RASEF: variants seen among roughly 807,000 people sequenced by gnomAD.
RASEF encodes the protein ras and EF-hand domain-containing protein.
Under a neutral mutation model 90.1 loss-of-function variants are expected in RASEF, and 68 were observed. The observed-to-expected ratio is 0.75, with a 90% confidence interval of 0.62 to 0.92. The LOEUF (loss-of-function observed/expected upper bound fraction) is 0.92. Among genes scored for constraint, RASEF ranks in the 40% least tolerant of loss-of-function variants. The probability of loss-of-function intolerance (pLI) is 0.00; values close to 1 mark genes in which losing one functional copy is unlikely to be tolerated. For missense variants in RASEF, 949 were observed against 937.2 expected (o/e 1.01, Z -0.16); for synonymous variants, 331 against 345.2 (o/e 0.96, Z 0.46).
the RASEF span, among the ~76,000 whole-genome samples, chr9:83,116,990 C>G: frequency 6.6e-6 from 1 of 152,054 alleles, no homozygotes. Flanking sequence ...CTAGGGTATC[C>G]CAAGCTACTC....
the RASEF span, among the ~76,000 whole-genome samples, chr9:83,178,842 G>A: frequency 6.6e-6 from 1 of 152,008 alleles, no homozygotes; most frequent in Non-Finnish European, 1.5e-5. Flanking sequence ...CTTCCACAAT[G>A]CCCCTGCCTA....
chr9:83,153,688 G>A, the RASEF span, among the ~76,000 whole-genome samples: 4 of 152,318 alleles, frequency 2.6e-5, no homozygotes, highest in Middle Eastern at 3.4e-3. Flanking sequence ...GCACAAGGCT[G>A]TTTAACGCCT....
At chr9:83,114,910 C>A in the RASEF span, among the ~76,000 whole-genome samples, 1 of 152,122 alleles carries the variant, frequency 6.6e-6, no homozygotes, top group African/African-American at 2.4e-5. Flanking sequence ...TATCTTATTA[C>A]CTTGTGAAGA....
At chr9:83,166,529 C>A in the RASEF span, among the ~76,000 whole-genome samples, 1 of 152,138 alleles carries the variant, frequency 6.6e-6, no homozygotes, top group Non-Finnish European at 1.5e-5. Flanking sequence ...TAGCTGAGGA[C>A]TCACTCCCAC....
chr9:83,089,891 A>G, the RASEF span, among the ~76,000 whole-genome samples: 1 of 128,684 alleles, frequency 7.8e-6, no homozygotes, highest in Non-Finnish European at 1.6e-5. Flanking sequence ...TTATAGATAG[A>G]TGATAGATAG....
the RASEF span, among the ~76,000 whole-genome samples, chr9:83,134,510 A>G: frequency 6.6e-6 from 1 of 151,990 alleles, no homozygotes; most frequent in Non-Finnish European, 1.5e-5. Context: ...TTGGTACCAA[A>G]TGAAATAAAA....
the RASEF span, among the ~76,000 whole-genome samples, chr9:83,199,262 A>C: frequency 6.7e-6 from 1 of 148,866 alleles, no homozygotes; most frequent in Admixed American, 6.7e-5. Flanking sequence ...AAAGCACCTG[A>C]CCTTTGAAAA....
intron 2 of RASEF, among the ~76,000 whole-genome samples, chr9:83,023,831 A>G (rs908353690): frequency 4.6e-5 from 7 of 152,056 alleles, no homozygotes; most frequent in Admixed American, 3.9e-4. Flanking sequence ...TAGCTATCCA[A>G]TCCCAAGCAT....
the RASEF span, among the ~76,000 whole-genome samples, chr9:83,092,996 G>C: frequency 6.6e-6 from 1 of 151,244 alleles, no homozygotes; most frequent in Admixed American, 6.6e-5. Context: ...ACAAAGTGCC[G>C]ATTGGTGTAT....
At chr9:83,025,653 C>T (rs2118574808) in intron 2 of RASEF, 122 bp downstream of exon 2, 2 of 951,622 alleles carry the variant, frequency 2.1e-6, no homozygotes, top group African/African-American at 1.7e-5. Context: ...GCTCTAGACT[C>T]CTCAGGCTCA....
intron 1 of RASEF, among the ~76,000 whole-genome samples, chr9:83,044,040 C>T (rs1243034296): frequency 6.6e-6 from 1 of 151,594 alleles, no homozygotes; most frequent in Non-Finnish European, 1.5e-5. Context: ...CTTCCCTGTG[C>T]TCTCTATTAC....
chr9:83,142,133 A>G, the RASEF span, among the ~76,000 whole-genome samples: 2 of 152,182 alleles, frequency 1.3e-5, no homozygotes, highest in African/African-American at 4.8e-5. Context: ...TTTTTGTGAT[A>G]AAAATTTTAT....
At chr9:83,084,245 CATT>C in the RASEF span, among the ~76,000 whole-genome samples, 1 of 152,020 alleles carries the variant, frequency 6.6e-6, no homozygotes, top group Non-Finnish European at 1.5e-5. Flanking sequence ...TTATTTGAAA[CATT>C]ATGAAGATCC....
chr9:83,162,302 C>T, the RASEF span, among the ~76,000 whole-genome samples: 50 of 152,096 alleles, frequency 3.3e-4, 1 homozygote, highest in African/African-American at 1.1e-3. Context: ...ATAACAGAAA[C>T]TTTTATTTAA....
chr9:83,132,801 G>T, the RASEF span, among the ~76,000 whole-genome samples: 1 of 152,142 alleles, frequency 6.6e-6, no homozygotes, highest in Non-Finnish European at 1.5e-5. Flanking sequence ...CTCATTTGTA[G>T]ATTTCTCTCT....
the RASEF span, among the ~76,000 whole-genome samples, chr9:83,074,310 TTGACTA>T: frequency 3.3e-5 from 5 of 152,224 alleles, no homozygotes; most frequent in African/African-American, 1.2e-4. Context: ...TCAAATAACC[TTGACTA>T]TGACTAGTAC....
the RASEF span, among the ~76,000 whole-genome samples, chr9:83,171,959 T>A: frequency 6.6e-6 from 1 of 151,844 alleles, no homozygotes; most frequent in Non-Finnish European, 1.5e-5. Context: ...AATTTTGGAT[T>A]TGGTGTGTTC....
At chr9:83,160,759 G>A in the RASEF span, among the ~76,000 whole-genome samples, 1,230 of 152,256 alleles carry the variant, frequency 8.1e-3, 12 homozygotes, top group African/African-American at 0.028. Context: ...CAGAGGCCTA[G>A]GAAAAAATTG....
At chr9:83,082,474 C>A in the RASEF span, among the ~76,000 whole-genome samples, 1 of 152,080 alleles carries the variant, frequency 6.6e-6, no homozygotes, top group Non-Finnish European at 1.5e-5. Context: ...ACCAGCACAC[C>A]CTATACCACT....
Sources: allele counts gnomAD v4.1 joint callset (sites outside exome capture counted in the v4.1 genomes callset), GRCh38; gene constraint gnomAD v4.1.1; transcripts MANE v1.5; gene names NCBI Gene and HGNC (gene_info 2026-07-23, HGNC 2026-07-21).